Variants in PDE3A observed in about 807,000 individuals in gnomAD.
The protein encoded by PDE3A is cGMP-inhibited 3',5'-cyclic phosphodiesterase 3A.
Under a neutral mutation model 98.3 loss-of-function variants are expected in PDE3A, and 43 were observed. That is an observed-to-expected ratio of 0.44 (90% CI 0.34 to 0.56). The LOEUF (loss-of-function observed/expected upper bound fraction) is 0.56. Among genes scored for constraint, PDE3A ranks in the 20% least tolerant of loss-of-function variants. PDE3A has a pLI of 0.01. For synonymous variants in PDE3A, 663 were observed against 567.9 expected (o/e 1.17, Z -2.38); for missense variants, 1,427 against 1,440.7 (o/e 0.99, Z 0.15).
intron 1 of PDE3A, among the ~76,000 whole-genome samples, chr12:20,472,772 TG>T (rs1447308942): frequency 6.6e-6 from 1 of 152,164 alleles, no homozygotes; most frequent in African/African-American, 2.4e-5. Context: ...TTTTAAAATT[TG>T]GTTTGGATTA....
At position 20,446,801 on chromosome 12, in the gene PDE3A, A is replaced by G. The variant is rs1944963522; in HGVS notation, c.960+76557A>G. On this transcript the variant is annotated intron_variant, in intron 1 of 15. Transcript: ENST00000359062. Reference sequence around the variant, plus strand: ...TTATGGGAGATGTATGTTATCTTATATTGGTTGATCAGGGAGACACAAACT... The same window carrying G: ...TTATGGGAGATGTATGTTATCTTATGTTGGTTGATCAGGGAGACACAAACT... Among the ~76,000 whole-genome samples, 4 of 152,250 alleles carry G rather than the reference A, an allele frequency of 2.6e-5. No individual in the cohort carries two copies. In the South Asian group the frequency reaches 8.3e-4, roughly 32 times the overall value.
intron 2 of PDE3A, among the ~76,000 whole-genome samples, chr12:20,605,553 A>C (rs1943691064): frequency 6.6e-6 from 1 of 152,094 alleles, no homozygotes; most frequent in Non-Finnish European, 1.5e-5. Context: ...GAAATGAATT[A>C]CTTGCCCAAT....
intron 1 of PDE3A, among the ~76,000 whole-genome samples, chr12:20,426,595 A>G (rs768392723): frequency 9.2e-5 from 14 of 152,220 alleles, no homozygotes; most frequent in Non-Finnish European, 1.5e-4. Flanking sequence ...TGTATAGTGT[A>G]GAGAAGACTA....
At position 20,457,242 on chromosome 12, in the gene PDE3A, A is replaced by G. The variant is rs142748450; in HGVS notation, c.960+86998A>G. ...GGAAATTTTTCTATTTATTGTTATT[A>G]TTATTATTCTATTATATATTATTCT... On this transcript the variant is annotated intron_variant, in intron 1 of 15. Coordinates refer to ENST00000359062, the MANE Select transcript of PDE3A (RefSeq NM_000921.5). Among the ~76,000 whole-genome samples, 372 of 151,288 alleles carry G rather than the reference A, an allele frequency of 2.5e-3. 1 individual carries two copies. The highest frequency in any genetic ancestry group is 4.2e-3 in the Non-Finnish European group (282 of 67,788).
chr12:20,374,384 AG>A (rs1943533474), intron 1 of PDE3A, among the ~76,000 whole-genome samples: 1 of 152,120 alleles, frequency 6.6e-6, no homozygotes, highest in Non-Finnish European at 1.5e-5. Flanking sequence ...AAGTGTAAAA[AG>A]TTAAAACTGT....
chr12:20,463,126 T>A (rs1343553219), intron 1 of PDE3A, among the ~76,000 whole-genome samples: 1 of 152,148 alleles, frequency 6.6e-6, no homozygotes, highest in African/African-American at 2.4e-5. Flanking sequence ...TAGGACATCA[T>A]CTGTGTCAAT....
chr12:20,486,386 T>C (rs1358214360), intron 1 of PDE3A, among the ~76,000 whole-genome samples: 2 of 152,090 alleles, frequency 1.3e-5, no homozygotes, highest in African/African-American at 4.8e-5. Flanking sequence ...GGGGAAGCCA[T>C]CCCCATGATT....
chr12:20,648,571 G>A (rs543082489), intron 12 of PDE3A, 117 bp from the exon 13 acceptor site: 37 of 696,030 alleles, frequency 5.3e-5, no homozygotes, highest in African/African-American at 3.5e-4. Context: ...CAGGAGTTAC[G>A]TGATTACATT....
At position 20,650,479 on chromosome 12, in the gene PDE3A, A is replaced by T; in HGVS notation, c.2804A>T (p.Glu935Val). The T allele has an allele frequency of 6.2e-7, 1 of 1,610,624 alleles. No individual in the cohort carries two copies. The highest frequency in any genetic ancestry group is 8.5e-7 in the Non-Finnish European group (1 of 1,177,236). ...NDDVGIDWTNENDRLLVCQMC... is the reference protein window; with the variant it reads ...NDDVGIDWTNVNDRLLVCQMC... ...GATGTTGGAATAGATTGGACCAATG[A>T]AAATGATCGTCTACTGGTTTGTCAA... The change falls in exon 14 of 16, where the codon GAA (glutamate) becomes GTA (valine). Residue 935 changes from glutamate to valine, a missense_variant. This residue lies in a region of PDE3A where 273 missense variants were observed against 420.3 expected (regional missense o/e 0.65). Transcript: ENST00000359062.
At position 20,539,225 on chromosome 12, in the gene PDE3A, G is replaced by A. The variant is rs768772736; in HGVS notation, c.961-17435G>A. 3.3e-5 allele frequency among the ~76,000 whole-genome samples: 5 copies of A among 151,984 alleles called. No homozygotes were observed. The South Asian group carries it at 1.0e-3, about 32-fold the overall frequency. ...GAAATGTCTTGGGGATGGGACCCAC[G>A]TCTAAAACACAAAATTTATTTATGT... On this transcript the variant is annotated intron_variant, in intron 1 of 15. Transcript: ENST00000359062.
intron 15 of PDE3A, among the ~76,000 whole-genome samples, chr12:20,655,487 T>C (rs1945021454): frequency 6.6e-6 from 1 of 152,194 alleles, no homozygotes; most frequent in Admixed American, 6.5e-5. Context: ...TCATGGGTTC[T>C]TAGTTGCTGT....
At chr12:20,432,043 T>C (rs551960252) in intron 1 of PDE3A, among the ~76,000 whole-genome samples, 12 of 152,334 alleles carry the variant, frequency 7.9e-5, no homozygotes, top group African/African-American at 2.9e-4. Context: ...GCAGTGATAA[T>C]GTGCCAATGA....
chr12:20,571,334 T>C (rs946152149), intron 2 of PDE3A, among the ~76,000 whole-genome samples: 2 of 152,068 alleles, frequency 1.3e-5, no homozygotes, highest in Admixed American at 1.3e-4. Context: ...TTGATACAGG[T>C]CTCTCTTCTC....
At chr12:20,497,993 A>G (rs1945951637) in intron 1 of PDE3A, among the ~76,000 whole-genome samples, 1 of 152,160 alleles carries the variant, frequency 6.6e-6, no homozygotes, top group South Asian at 2.1e-4. Context: ...CCAATTGCGT[A>G]TGAGCTAATT....
chr12:20,492,359 A>G (rs551548087), intron 1 of PDE3A, among the ~76,000 whole-genome samples: 1 of 152,250 alleles, frequency 6.6e-6, no homozygotes, highest in South Asian at 2.1e-4. Context: ...GGGTGAGTAG[A>G]AGCACAGCAC....
intron 1 of PDE3A, among the ~76,000 whole-genome samples, chr12:20,553,819 TCTTTGTTGTTAGCA>T (rs1365341681): frequency 1.3e-5 from 2 of 152,112 alleles, no homozygotes; most frequent in African/African-American, 4.8e-5. Context: ...AAGACGACAG[TCTTTGTTGTTAGCA>T]CTGAATTATT....
rs1407334826 is a variant in PDE3A, at chr12:20,370,389, G to GT, written c.960+155dup. The GT allele has an allele frequency of 0.12, 48,936 of 409,298 alleles. 1,675 individuals are homozygous for GT. Among genetic ancestry groups the GT allele is most frequent in the African/African-American group, 0.15 (6,816 of 46,196 alleles). The allele number at this position is 409,298 out of a possible 1,614,324, so 25.4% of individuals were successfully genotyped here. ...AACTTCAGAATTAAGAAACTAGCAG[G>GT]TTTTTTTTTTGTTTTTTTTGTTTTT... On this transcript the variant is annotated intron_variant, in intron 1 of 15. Coordinates refer to ENST00000359062, the MANE Select transcript of PDE3A (RefSeq NM_000921.5).
intron 2 of PDE3A, among the ~76,000 whole-genome samples, chr12:20,581,851 A>G (rs112868252): frequency 6.6e-6 from 1 of 152,018 alleles, no homozygotes; most frequent in African/African-American, 2.4e-5. Flanking sequence ...TGACCTCGTG[A>G]TCCGCCCGCC....
At chr12:20,589,009 G>A (rs1219822706) in intron 2 of PDE3A, among the ~76,000 whole-genome samples, 2 of 152,126 alleles carry the variant, frequency 1.3e-5, no homozygotes, top group Non-Finnish European at 2.9e-5. Flanking sequence ...TGCAAGCTCC[G>A]CCTCCTGAGT....
Sources: gnomAD v4.1 joint callset for allele counts (sites outside exome capture counted in the v4.1 genomes callset) on GRCh38, gnomAD v4.1.1 for gene constraint, gnomAD v4.1.1 regional missense constraint, MANE v1.5 for transcripts, NCBI Gene and HGNC (gene_info 2026-07-23, HGNC 2026-07-21) for gene names.